The following WDR88 variants were observed in gnomAD, a reference collection of about 807,000 sequenced individuals.
WDR88 encodes WD repeat-containing protein 88.
WDR88 carries 40 observed loss-of-function variants against 46.8 expected under a neutral mutation model. That is an observed-to-expected ratio of 0.86 (90% CI 0.66 to 1.11). The LOEUF is 1.11. Among genes scored for constraint, WDR88 ranks in the 50% most tolerant of loss-of-function variants. The pLI is 0.00. For synonymous variants in WDR88, 235 were observed against 240.7 expected (o/e 0.98, Z 0.22); for missense variants, 562 against 602.4 (o/e 0.93, Z 0.70).
intron 8 of WDR88, among the ~76,000 whole-genome samples, chr19:33,163,848 G>A (rs1317709882): frequency 6.6e-6 from 1 of 152,004 alleles, no homozygotes; most frequent in Admixed American, 6.6e-5. Context: ...TGCCCGGGCT[G>A]GTCTCAAACT....
At chr19:33,137,961 T>G (rs1973309652) in intron 2 of WDR88, among the ~76,000 whole-genome samples, 174 bp downstream of exon 2, 1 of 151,810 alleles carries the variant, frequency 6.6e-6, no homozygotes, top group South Asian at 2.1e-4. Flanking sequence ...TAGACGAAGT[T>G]AGGGTGGCTG....
intron 2 of WDR88, among the ~76,000 whole-genome samples, chr19:33,140,475 C>A (rs1053194733): frequency 6.6e-6 from 1 of 152,084 alleles, no homozygotes. Flanking sequence ...TAGATGTATG[C>A]GGACATGTGT....
At chr19:33,166,253 G>A (rs1166312621) in intron 9 of WDR88, among the ~76,000 whole-genome samples, 3 of 140,514 alleles carry the variant, frequency 2.1e-5, no homozygotes, top group Non-Finnish European at 4.5e-5. Context: ...ACTCCAGCCT[G>A]GGCCAAACAG....
At chr19:33,144,094 T>A (rs1194258217) in intron 2 of WDR88, among the ~76,000 whole-genome samples, 1 of 152,218 alleles carries the variant, frequency 6.6e-6, no homozygotes, top group East Asian at 1.9e-4. Flanking sequence ...CTGTCGAGTC[T>A]AAAACTGCGC....
chr19:33,140,294 G>A (rs1973363462), intron 2 of WDR88, among the ~76,000 whole-genome samples: 1 of 152,060 alleles, frequency 6.6e-6, no homozygotes, highest in South Asian at 2.1e-4. Flanking sequence ...AGCTGGGACT[G>A]CAGGAGTGCA....
chr19:33,147,797 G>C (rs1973550554), intron 4 of WDR88, 89 bp downstream of exon 4: 1 of 1,205,428 alleles, frequency 8.3e-7, no homozygotes, highest in African/African-American at 1.5e-5. Context: ...CTGGGTAGGG[G>C]GAGGTGATAA....
chr19:33,164,802 T>C (rs750795665), intron 9 of WDR88, among the ~76,000 whole-genome samples: 14 of 152,098 alleles, frequency 9.2e-5, no homozygotes, highest in Non-Finnish European at 1.8e-4. Context: ...AGACAATTAT[T>C]CCATGGTTGG....
intron 7 of WDR88, among the ~76,000 whole-genome samples, chr19:33,158,570 C>T (rs1473276720): frequency 6.6e-6 from 1 of 152,216 alleles, no homozygotes; most frequent in Non-Finnish European, 1.5e-5. Flanking sequence ...CAAGGTCACT[C>T]ACAGATGTGA....
intron 1 of WDR88, among the ~76,000 whole-genome samples, chr19:33,133,198 T>TAAATAAATAGAGAG (rs1555723214): frequency 2.5e-5 from 2 of 79,722 alleles, no homozygotes; most frequent in Non-Finnish European, 3.8e-5. Context: ...TAAATAAATA[T>TAAATAAATAGAGAG]AGAGAGAGAG....
At chr19:33,145,033 T>G (rs1973483693) in intron 3 of WDR88, 101 bp downstream of exon 3, 1 of 1,115,984 alleles carries the variant, frequency 9.0e-7, no homozygotes, top group African/African-American at 1.6e-5. Context: ...AAGTAATAGA[T>G]ATGGGGTCTC....
intron 5 of WDR88, among the ~76,000 whole-genome samples, chr19:33,150,586 G>A (rs76740070): frequency 0.022 from 3,396 of 152,274 alleles, 121 homozygotes; most frequent in African/African-American, 0.078. Flanking sequence ...ATGCCTGTGC[G>A]TACAAGTGTT....
chr19:33,160,732 T>C (rs1017154016), intron 8 of WDR88, among the ~76,000 whole-genome samples: 5 of 152,162 alleles, frequency 3.3e-5, no homozygotes, highest in African/African-American at 9.7e-5. Context: ...CCACATTGCA[T>C]GGGCAGAGCT....
chr19:33,172,488 C>A, intron 10 of WDR88, 48 bp downstream of exon 10: 1 of 1,445,074 alleles, frequency 6.9e-7, no homozygotes, highest in Non-Finnish European at 9.6e-7. Context: ...CGTTAGTTCC[C>A]TCTATAAATT....
intron 8 of WDR88, among the ~76,000 whole-genome samples, chr19:33,161,967 C>G: frequency 6.6e-6 from 1 of 152,126 alleles, no homozygotes; most frequent in Admixed American, 6.6e-5. Flanking sequence ...GTTCTATTCT[C>G]TCTCCTCTTC....
chr19:33,167,686 T>A, intron 9 of WDR88, among the ~76,000 whole-genome samples: 1 of 151,094 alleles, frequency 6.6e-6, no homozygotes, highest in African/African-American at 2.4e-5. Context: ...CCTTCCTTCC[T>A]TCTGTCCTTT....
intron 4 of WDR88, among the ~76,000 whole-genome samples, chr19:33,148,192 C>T (rs552919065): frequency 1.8e-4 from 27 of 152,100 alleles, no homozygotes; most frequent in African/African-American, 6.5e-4. Context: ...GTCCATCCCA[C>T]AGGCTCAAGA....
chr19:33,144,723 C>T (rs1030960690), intron 2 of WDR88, 121 bp from the exon 3 acceptor site: 2 of 859,052 alleles, frequency 2.3e-6, no homozygotes, highest in African/African-American at 3.4e-5. Context: ...AGTCCCAGGA[C>T]CTTGGAGTTC....
At chr19:33,150,417 C>G (rs577408958) in intron 5 of WDR88, among the ~76,000 whole-genome samples, 11 of 152,350 alleles carry the variant, frequency 7.2e-5, no homozygotes, top group African/African-American at 2.4e-4. Context: ...CCTCTGCGCT[C>G]CAGCCCAGGT....
intron 7 of WDR88, among the ~76,000 whole-genome samples, chr19:33,159,502 T>G (rs1469922460): frequency 6.6e-6 from 1 of 152,158 alleles, no homozygotes; most frequent in East Asian, 1.9e-4. Flanking sequence ...AGCTGTTGGT[T>G]GTGAGTTCAA....
Sources: gnomAD v4.1 joint callset for allele counts (sites outside exome capture counted in the v4.1 genomes callset) on GRCh38, gnomAD v4.1.1 for gene constraint, MANE v1.5 for transcripts, NCBI Gene and HGNC (gene_info 2026-07-23, HGNC 2026-07-21) for gene names.